The following MEA1 variants were observed in gnomAD, a reference collection of about 807,000 sequenced individuals.
MEA1 encodes the protein Male-enhanced antigen (H-Y structural gene).
A neutral mutation model predicts 21.4 loss-of-function variants in MEA1; 22 were observed. The ratio of observed to expected loss-of-function variants is 1.03; its 90% CI spans 0.73 to 1.47. The LOEUF (loss-of-function observed/expected upper bound fraction) is 1.47, where lower values mean the gene tolerates loss of function less well. MEA1 is among the 40% of genes most tolerant of loss of function. The pLI is 0.00. For synonymous variants in MEA1, 91 were observed against 85.5 expected (o/e 1.06, Z -0.35); for missense variants, 233 against 230.5 (o/e 1.01, Z -0.07).
rs1293763287 is a variant in MEA1 at position 43,013,901 on chromosome 6, C to T, written c.-88G>A. ...CCGGTGTTCCCGCGCGCCTCACCCGCTCAGAGCCCGCGGCCTCCACTTCCG... is the reference window on the plus strand; with the variant it reads ...CCGGTGTTCCCGCGCGCCTCACCCGTTCAGAGCCCGCGGCCTCCACTTCCG... On this transcript the variant is annotated 5_prime_UTR_variant, in exon 1 of 4. Coordinates refer to ENST00000244711, the MANE Select transcript of MEA1 (RefSeq NM_014623.4). 5 of 1,495,722 alleles carry T rather than the reference C, an allele frequency of 3.3e-6. No individual in the cohort carries two copies. The East Asian group carries it at 7.4e-5, about 22-fold the overall frequency. 92.7% of individuals were successfully genotyped at this position (1,495,722 alleles called of 1,614,324 possible). A position where few individuals can be genotyped will look rare whatever the true frequency, so the allele number is the denominator to read the frequency against.
intron 1 of MEA1, 95 bp downstream of exon 1, chr6:43,013,690 TC>T (rs759125284): frequency 1.5e-6 from 2 of 1,295,214 alleles, no homozygotes; most frequent in Admixed American, 2.1e-5. Flanking sequence ...GCGCCACGCC[TC>T]CCCCGCGACT....
intron 3 of MEA1, 30 bp from the exon 4 acceptor site, chr6:43,012,651 A>T: frequency 1.3e-6 from 2 of 1,577,622 alleles, no homozygotes; most frequent in Non-Finnish European, 1.7e-6. Context: ...CCATTCAGGC[A>T]TAGAAATAAT....
chr6:43,016,868 T>C (rs929426878), upstream of MEA1: 3 of 361,432 alleles, frequency 8.3e-6, no homozygotes, highest in Admixed American at 4.4e-5. Flanking sequence ...GTTGTGACCA[T>C]GATATGCAGA....
At chr6:43,014,073 C>T (rs1232452407), upstream of MEA1, 2 of 1,419,638 alleles carry the variant, frequency 1.4e-6, no homozygotes, top group East Asian at 2.5e-5. Context: ...CAGTGGCCTC[C>T]TCGGTCTCGA....
chr6:43,012,797 G>T (rs1223452702), intron 3 of MEA1, 129 bp downstream of exon 3: 5 of 1,243,606 alleles, frequency 4.0e-6, no homozygotes, highest in Admixed American at 2.0e-5. Context: ...CTTGGACTCT[G>T]AAGTCTACAA....
rs1762427638 is a variant in MEA1 at position 43,013,019 on chromosome 6, G to A, written c.313C>T (p.Leu105Phe). ...TCTAATGGTGGGTCTGGCAAATGAA[G>A]CCCCAGGGCCTGCAGAGCCACAGAA... is the stretch of plus-strand genomic sequence containing the variant. ...DIQDRIQALG[L>F]HLPDPPLESE... The change falls in exon 3 of 4, where the codon CTT (leucine) becomes TTT (phenylalanine). Residue 105 changes from leucine (L) to phenylalanine (F), a missense_variant. Coordinates refer to ENST00000244711, the MANE Select transcript of MEA1 (RefSeq NM_014623.4). 2 of 1,614,172 alleles carry A rather than the reference G, an allele frequency of 1.2e-6. No homozygotes were observed. Among genetic ancestry groups the A allele is most frequent in the Non-Finnish European group, 1.7e-6 (2 of 1,180,022 alleles).
In MEA1 at chr6:43,013,184, T is replaced by C; in HGVS notation, c.234A>G (p.Glu78=). The change falls in exon 2 of 4, where the codon GAA becomes GAG. Residue 78 remains glutamate (E), a synonymous_variant. Coordinates refer to ENST00000244711, the MANE Select transcript of MEA1 (RefSeq NM_014623.4). ...CTGGTGCCAGTTCCACCTCCTCTTG[T>C]TCAGGATCTTGGTTCAGGGGCTGGT... ...YSYQPLNQDP[E]QEEVELAPVG... The C allele has an allele frequency of 1.2e-6, 2 of 1,614,152 alleles. No individual in the cohort carries two copies. Among genetic ancestry groups the C allele is most frequent in the Non-Finnish European group, 1.7e-6 (2 of 1,180,014 alleles).
At position 43,013,173 on chromosome 6, in the gene MEA1, A is replaced by T. The variant is rs964442610; in HGVS notation, c.245T>A (p.Val82Glu). 1.2e-6 allele frequency: 2 copies of T among 1,613,764 alleles called. No homozygotes were observed. The highest frequency in any genetic ancestry group is 1.3e-5 in the African/African-American group (1 of 74,896). ...TCCATCCCCCACTGGTGCCAGTTCC[A>T]CCTCCTCTTGTTCAGGATCTTGGTT... ...PLNQDPEQEE[V>E]ELAPVGDGDV... is the part of the protein sequence containing the mutation. The change falls in exon 2 of 4, where the codon GTG becomes GAG. Residue 82 changes from valine to glutamate, a missense_variant. Physicochemically the swap from Val to Glu is moderately radical, Grantham distance 121. Transcript: ENST00000244711.
chr6:43,012,421 T>G lies in MEA1; in HGVS notation c.*49A>C. ...ACAACCAGGGATGTGTTCAGTCCTG[T>G]GCTGGTTCTGGCCTGGAATGTAGGA... is the stretch of plus-strand genomic sequence containing the variant. On this transcript the variant is annotated 3_prime_UTR_variant, in exon 4 of 4. Transcript: ENST00000244711. 2 of 1,542,196 alleles carry G rather than the reference T, an allele frequency of 1.3e-6. No individual in the cohort carries two copies. Among genetic ancestry groups the G allele is most frequent in the Non-Finnish European group, 1.7e-6 (2 of 1,145,444 alleles).
rs878965517 is a variant in MEA1, at chr6:43,013,123, G to C, written c.295C>G (p.Arg99Gly). ...TCCCTCCTCCACCCTACCTGGATTC[G>C]ATCCTGGATGTCAGCAACTACATCT... is the stretch of plus-strand genomic sequence containing the variant. ...DGDVVADIQD[R>G]IQALGLHLPD... The change falls in exon 2 of 4, where the codon CGA becomes GGA. Residue 99 changes from arginine (R) to glycine (G), a missense_variant. Coordinates refer to ENST00000244711, the MANE Select transcript of MEA1 (RefSeq NM_014623.4). 1.9e-6 allele frequency: 3 copies of C among 1,613,900 alleles called. No homozygotes were observed. Among genetic ancestry groups the C allele is most frequent in the South Asian group, 2.2e-5 (2 of 91,068 alleles).
chr6:43,011,511 A>G lies in MEA1; in HGVS notation c.*959T>C. 1.7e-6 allele frequency: 1 copy of G among 600,864 alleles called. No homozygotes were observed. The highest frequency in any genetic ancestry group is 2.9e-6 in the Non-Finnish European group (1 of 346,176). 37.2% of individuals were successfully genotyped at this position (600,864 alleles called of 1,614,324 possible). ...TGTGGCTAGTACAGGCTGAGCACTA[A>G]GATGCTTAGTGCTCAGACAACCTGG... On this transcript the variant is annotated 3_prime_UTR_variant, in exon 4 of 4. Transcript: ENST00000244711.
upstream of MEA1, chr6:43,014,509 C>G (rs771320239): frequency 2.1e-6 from 1 of 476,986 alleles, no homozygotes; most frequent in South Asian, 1.5e-5. Context: ...GAAAGCAGGG[C>G]TAGGGGAGGA....
At chr6:43,013,054 G>A (rs1762429667) in intron 2 of MEA1, 26 bp from the exon 3 acceptor site, 2 of 1,613,900 alleles carry the variant, frequency 1.2e-6, no homozygotes, top group Admixed American at 3.3e-5. Context: ...AGACCGTTTG[G>A]GTCTAGGCTT....
Position 43,013,886 on chromosome 6 carries a change from C to A in MEA1, c.-73G>T, listed in dbSNP as rs1762480255. ...ATCCGAATCCCGGCGCCGGTGTTCC[C>A]GCGCGCCTCACCCGCTCAGAGCCCG... On this transcript the variant is annotated 5_prime_UTR_variant, in exon 1 of 4. Coordinates refer to ENST00000244711, the MANE Select transcript of MEA1 (RefSeq NM_014623.4). 4.0e-6 allele frequency: 6 copies of A among 1,511,756 alleles called. No homozygotes were observed. The highest frequency in any genetic ancestry group is 1.3e-5 in the South Asian group (1 of 78,458). 93.6% of individuals were successfully genotyped at this position (1,511,756 alleles called of 1,614,324 possible). A position where few individuals can be genotyped will look rare whatever the true frequency, so the allele number is the denominator to read the frequency against.
At chr6:43,013,428 A>C in intron 1 of MEA1, 39 bp from the exon 2 acceptor site, 1 of 1,596,958 alleles carries the variant, frequency 6.3e-7, no homozygotes, top group Non-Finnish European at 8.5e-7. Context: ...GGATCGGATG[A>C]AACCAGGCCC....
At chr6:43,016,028 C>T (rs893595209), upstream of MEA1, among the ~76,000 whole-genome samples, 4 of 150,594 alleles carry the variant, frequency 2.7e-5, no homozygotes. Flanking sequence ...CTCCGCCACC[C>T]GAGTGCAAGC....
At chr6:43,015,100 G>C (rs1192920515), upstream of MEA1, among the ~76,000 whole-genome samples, 1 of 152,140 alleles carries the variant, frequency 6.6e-6, no homozygotes, top group Non-Finnish European at 1.5e-5. Flanking sequence ...CATATCTGAA[G>C]GGAAGAATAG....
In MEA1 at chr6:43,012,224, G is replaced by T. The variant is rs138349932; in HGVS notation, c.*246C>A. The T allele has an allele frequency of 4.5e-4, 528 of 1,180,888 alleles. 1 individual carries two copies. In the African/African-American group the frequency reaches 7.7e-3, roughly 17 times the overall value. 73.2% of individuals were successfully genotyped at this position (1,180,888 alleles called of 1,614,324 possible). ...CAGGTTCCAGGGGCGCAGGCAGTGCGGCTTTTGGCTGTGTACATAGGGTGC... is the reference window on the plus strand; with the variant it reads ...CAGGTTCCAGGGGCGCAGGCAGTGCTGCTTTTGGCTGTGTACATAGGGTGC... On this transcript the variant is annotated 3_prime_UTR_variant, in exon 4 of 4. Coordinates refer to ENST00000244711, the MANE Select transcript of MEA1 (RefSeq NM_014623.4).
At chr6:43,015,874 G>C (rs1238638712), upstream of MEA1, among the ~76,000 whole-genome samples, 60 of 117,922 alleles carry the variant, frequency 5.1e-4, no homozygotes, top group Admixed American at 1.2e-3. Flanking sequence ...AAAAAAAAAA[G>C]ACCATGACTT....
Sources: allele counts gnomAD v4.1 joint callset (sites outside exome capture counted in the v4.1 genomes callset), GRCh38; gene constraint gnomAD v4.1.1; transcripts MANE v1.5; gene names NCBI Gene and HGNC (gene_info 2026-07-23, HGNC 2026-07-21).